CHST8: variants seen among roughly 807,000 people sequenced by gnomAD.
CHST8 encodes the protein GALNAC-4-ST1.
CHST8 carries 10 observed loss-of-function variants against 15.0 expected under a neutral mutation model. The ratio of observed to expected loss-of-function variants is 0.67; its 90% confidence interval spans 0.41 to 1.13. The LOEUF (loss-of-function observed/expected upper bound fraction) is 1.13. Among genes scored for constraint, CHST8 ranks in the 50% most tolerant of loss-of-function variants. The pLI, the probability that CHST8 is intolerant of heterozygous loss-of-function variation, is 0.00. For synonymous variants in CHST8, 259 were observed against 256.6 expected (o/e 1.01, Z -0.09); for missense variants, 634 against 608.2 (o/e 1.04, Z -0.45).
chr19:33,639,831 G>A (rs1600230045), intron 1 of CHST8, among the ~76,000 whole-genome samples: 2 of 138,798 alleles, frequency 1.4e-5, no homozygotes, highest in South Asian at 2.3e-4. Flanking sequence ...CAATGGAGAA[G>A]CAAATCAAAT....
chr19:33,672,545 G>T (rs929563713), intron 2 of CHST8, among the ~76,000 whole-genome samples: 3 of 152,162 alleles, frequency 2.0e-5, no homozygotes, highest in Non-Finnish European at 4.4e-5. Context: ...TCATGTCAGC[G>T]ACGGAAAGTG....
intron 3 of CHST8, among the ~76,000 whole-genome samples, chr19:33,705,830 G>T (rs1040306775): frequency 6.6e-6 from 1 of 152,138 alleles, no homozygotes; most frequent in Non-Finnish European, 1.5e-5. Flanking sequence ...GTGTCACAGC[G>T]ATGTCCCCAG....
At chr19:33,669,833 T>C (rs1302400437) in intron 2 of CHST8, among the ~76,000 whole-genome samples, 4 of 152,348 alleles carry the variant, frequency 2.6e-5, no homozygotes, top group South Asian at 2.1e-4. Context: ...AACGTAGATA[T>C]GCATGAGGCA....
At chr19:33,676,951 G>A (rs1176514476) in intron 2 of CHST8, among the ~76,000 whole-genome samples, 3 of 152,058 alleles carry the variant, frequency 2.0e-5, no homozygotes, top group African/African-American at 7.2e-5. Flanking sequence ...TGCTACCAAG[G>A]GTCATTGGAT....
chr19:33,675,748 G>A (rs4805923), intron 2 of CHST8, among the ~76,000 whole-genome samples: 49,920 of 152,196 alleles, frequency 0.33, 9,865 homozygotes, highest in African/African-American at 0.54. Context: ...ACCATGTTTA[G>A]GTGCCATCTG....
chr19:33,630,115 G>T (rs1052457150), intron 1 of CHST8, among the ~76,000 whole-genome samples: 1 of 152,226 alleles, frequency 6.6e-6, no homozygotes, highest in Admixed American at 6.5e-5. Context: ...GCAGCACTGA[G>T]ACCCTCCTCC....
Position 33,689,297 on chromosome 19 carries a change from C to G in CHST8, c.36C>G (p.Cys12Trp). ...TLRPGTMRLACMFSSILLFGA... is the reference protein window; with the variant it reads ...TLRPGTMRLAWMFSSILLFGA... Reference sequence around the variant, plus strand: ...GACCTGGAACAATGCGGCTGGCCTGCATGTTCTCTTCCATCCTGCTGTTCG... The same window carrying G: ...GACCTGGAACAATGCGGCTGGCCTGGATGTTCTCTTCCATCCTGCTGTTCG... Residue 12 changes from cysteine (C) to tryptophan (W), a missense_variant, in exon 3 of 5, where the codon TGC becomes TGG. Coordinates refer to ENST00000650847, the MANE Select transcript of CHST8 (RefSeq NM_001127895.2). The G allele has an allele frequency of 6.2e-7, 1 of 1,608,718 alleles. No homozygotes were observed.
chr19:33,714,816 C>T (rs781071753), intron 3 of CHST8, among the ~76,000 whole-genome samples: 5 of 152,244 alleles, frequency 3.3e-5, no homozygotes, highest in Admixed American at 2.0e-4. Flanking sequence ...CCATGTGAGA[C>T]ATGCCTGTCA....
At chr19:33,741,187 G>A (rs530352524) in intron 3 of CHST8, among the ~76,000 whole-genome samples, 246 of 152,278 alleles carry the variant, frequency 1.6e-3, no homozygotes, top group Non-Finnish European at 2.6e-3. Context: ...TACCTACATG[G>A]TCCTGCTTGT....
At chr19:33,664,974 C>T (rs775743420) in intron 1 of CHST8, among the ~76,000 whole-genome samples, 5 of 152,012 alleles carry the variant, frequency 3.3e-5, no homozygotes, top group African/African-American at 9.7e-5. Context: ...GTGTATGTAC[C>T]GTATTTTCTT....
At chr19:33,680,364 T>C (rs190972491) in intron 2 of CHST8, among the ~76,000 whole-genome samples, 4 of 152,306 alleles carry the variant, frequency 2.6e-5, no homozygotes, top group East Asian at 1.9e-4. Flanking sequence ...CTCTGTAATA[T>C]TGGTTTGGAA....
chr19:33,635,347 G>C (rs777872872), intron 1 of CHST8, among the ~76,000 whole-genome samples: 17 of 152,150 alleles, frequency 1.1e-4, no homozygotes, highest in Non-Finnish European at 1.9e-4. Context: ...TGGGGGAGGA[G>C]AGCTCTGGGT....
chr19:33,645,277 TAC>T (rs1403175322), intron 1 of CHST8, among the ~76,000 whole-genome samples: 1 of 152,110 alleles, frequency 6.6e-6, no homozygotes, highest in East Asian at 1.9e-4. Context: ...CAGAACAGAG[TAC>T]AGAGTAGGAA....
intron 1 of CHST8, among the ~76,000 whole-genome samples, chr19:33,646,564 C>A (rs148384883): frequency 0.021 from 3,141 of 152,314 alleles, 54 homozygotes; most frequent in Middle Eastern, 0.071. Flanking sequence ...TGGCTTTAGT[C>A]CCTGAGCAAG....
At chr19:33,771,838 G>A (rs1051975980) in intron 4 of CHST8, 119 bp from the exon 5 acceptor site, 2 of 1,232,082 alleles carry the variant, frequency 1.6e-6, no homozygotes, top group African/African-American at 3.0e-5. Context: ...TACAGAGTCA[G>A]CCTGTCTCCC....
At chr19:33,717,249 T>C (rs1226324647) in intron 3 of CHST8, among the ~76,000 whole-genome samples, 2 of 152,062 alleles carry the variant, frequency 1.3e-5, no homozygotes, top group Admixed American at 6.5e-5. Context: ...TCACCTGAGG[T>C]TGGGAGTTCG....
intron 3 of CHST8, among the ~76,000 whole-genome samples, chr19:33,718,837 G>A (rs1260635775): frequency 2.0e-5 from 3 of 152,164 alleles, no homozygotes; most frequent in African/African-American, 7.2e-5. Context: ...GAGAGGTCAC[G>A]GTCCCCTAGG....
chr19:33,750,344 G>A lies in CHST8; in HGVS notation c.131-21069G>A, dbSNP rs142506771. On this transcript the variant is annotated intron_variant, in intron 3 of 4. Transcript: ENST00000650847. ...GCTGTGGTCACCAGCATAGGCACACGCTGGGACAGACCTCAGGGTTTCCTG... is the reference window on the plus strand; with the variant it reads ...GCTGTGGTCACCAGCATAGGCACACACTGGGACAGACCTCAGGGTTTCCTG... Among the ~76,000 whole-genome samples the A allele has an allele frequency of 1.8e-3, 276 of 152,288 alleles. 1 individual carries two copies. Among genetic ancestry groups the A allele is most frequent in the African/African-American group, 6.3e-3 (263 of 41,556 alleles).
chr19:33,703,301 G>T (rs1399979340), intron 3 of CHST8, among the ~76,000 whole-genome samples: 2 of 152,166 alleles, frequency 1.3e-5, no homozygotes, highest in Non-Finnish European at 2.9e-5. Context: ...GCCCGGTGGG[G>T]TCCCACCGTG....
Sources: allele counts gnomAD v4.1 joint callset (sites outside exome capture counted in the v4.1 genomes callset), GRCh38; gene constraint gnomAD v4.1.1; transcripts MANE v1.5; gene names NCBI Gene and HGNC (gene_info 2026-07-23, HGNC 2026-07-21).